Variants in ALMS1 observed in about 807,000 individuals in gnomAD.
ALMS1 encodes ALMS1 centrosome and basal body associated protein.
In ALMS1, 271 loss-of-function variants were observed where a neutral mutation model predicts 352.2. That is an observed-to-expected ratio of 0.77 (90% CI 0.70 to 0.85). The LOEUF is 0.85. ALMS1 is among the 40% of genes least tolerant of loss of function. The pLI is 0.00. For synonymous variants in ALMS1, 1,865 were observed against 1,761.2 expected, an observed-to-expected ratio of 1.06 and a Z score of -1.48; for missense variants, 5,445 against 4,870.7, an observed-to-expected ratio of 1.12 and a Z score of -3.51.
chr2:73,459,777 T>A (rs1409270221), intron 9 of ALMS1, among the ~76,000 whole-genome samples: 1 of 152,178 alleles, frequency 6.6e-6, no homozygotes, highest in Non-Finnish European at 1.5e-5. Context: ...TCACCAACCC[T>A]AGAGCTGTCC....
chr2:73,472,128 A>G (rs995335170), intron 9 of ALMS1, among the ~76,000 whole-genome samples: 8 of 152,078 alleles, frequency 5.3e-5, no homozygotes, highest in Non-Finnish European at 7.4e-5. Context: ...CTTATATGAA[A>G]TATCTAAAAA....
rs1675743923 is a variant in ALMS1 at position 73,603,390 on chromosome 2, T to G, written c.12362+86T>G. 3.4e-6 allele frequency: 4 copies of G among 1,168,334 alleles called. No individual in the cohort carries two copies. In the African/African-American group the frequency reaches 6.1e-5, roughly 18 times the overall value. 72.4% of individuals were successfully genotyped at this position (1,168,334 alleles called of 1,614,324 possible). A position where few individuals can be genotyped will look rare whatever the true frequency, so the allele number is the denominator to read the frequency against. Reference sequence around the variant, plus strand: ...AGCTCTGGCTTGCACCCAGAATAAATGTATTATACTCAAGTTTAAACATTA... The same window carrying G: ...AGCTCTGGCTTGCACCCAGAATAAAGGTATTATACTCAAGTTTAAACATTA... On this transcript the variant is annotated intron_variant, in intron 21 of 22. Coordinates refer to ENST00000613296, the MANE Select transcript of ALMS1 (RefSeq NM_001378454.1).
intron 12 of ALMS1, among the ~76,000 whole-genome samples, chr2:73,537,985 AAC>A (rs1327391185): frequency 1.3e-5 from 2 of 152,208 alleles, no homozygotes; most frequent in Non-Finnish European, 2.9e-5. Flanking sequence ...CACTCTGGGC[AAC>A]AGAGTGAGAC....
chr2:73,404,899 CTTTT>C (rs58122480), intron 1 of ALMS1, among the ~76,000 whole-genome samples: 9 of 60,782 alleles, frequency 1.5e-4, no homozygotes, highest in African/African-American at 6.4e-4. Context: ...TGTCCTGGAC[CTTTT>C]TTTTTTTTTT....
At chr2:73,601,858 T>A (rs1675697753) in intron 19 of ALMS1, among the ~76,000 whole-genome samples, 1 of 152,234 alleles carries the variant, frequency 6.6e-6, no homozygotes, top group Non-Finnish European at 1.5e-5. Flanking sequence ...ATAAAGGAAA[T>A]GTTATTAATG....
chr2:73,561,537 A>C (rs553107083), intron 15 of ALMS1, among the ~76,000 whole-genome samples: 28 of 152,262 alleles, frequency 1.8e-4, no homozygotes, highest in Middle Eastern at 6.8e-3. Flanking sequence ...CTGAAATCAT[A>C]GAAACAGAAA....
chr2:73,389,781 C>T (rs1400750680), intron 1 of ALMS1, among the ~76,000 whole-genome samples: 3 of 152,078 alleles, frequency 2.0e-5, no homozygotes, highest in Non-Finnish European at 4.4e-5. Context: ...CCTCTGCCTC[C>T]TGGGTTCAAG....
At chr2:73,608,769 A>G (rs1355721483) in intron 22 of ALMS1, among the ~76,000 whole-genome samples, 195 bp downstream of exon 22, 1 of 152,228 alleles carries the variant, frequency 6.6e-6, no homozygotes, top group Non-Finnish European at 1.5e-5. Flanking sequence ...TTAACTCCCC[A>G]TCCATAATGG....
At chr2:73,542,226 C>T (rs1222575731) in intron 12 of ALMS1, among the ~76,000 whole-genome samples, 1 of 152,132 alleles carries the variant, frequency 6.6e-6, no homozygotes, top group South Asian at 2.1e-4. Flanking sequence ...TCGTAAATCA[C>T]TAAATGTAAT....
chr2:73,556,431 T>G (rs1674543268), intron 13 of ALMS1, among the ~76,000 whole-genome samples: 1 of 152,072 alleles, frequency 6.6e-6, no homozygotes, highest in Non-Finnish European at 1.5e-5. Context: ...ATTAGACAAG[T>G]TTAAAAGGCT....
chr2:73,462,732 C>G (rs1672233085), intron 9 of ALMS1: 1 of 152,112 alleles, frequency 6.6e-6, no homozygotes, highest in South Asian at 2.1e-4. Context: ...CAGAGACACA[C>G]ATAGGCTCAA....
chr2:73,477,618 G>T (rs1395518437), intron 9 of ALMS1, among the ~76,000 whole-genome samples: 1 of 152,012 alleles, frequency 6.6e-6, no homozygotes. Context: ...ATAAACATGA[G>T]CCAGTTTTCT....
intron 1 of ALMS1, among the ~76,000 whole-genome samples, chr2:73,400,785 T>A (rs1034704954): frequency 6.6e-6 from 1 of 152,144 alleles, no homozygotes; most frequent in African/African-American, 2.4e-5. Context: ...TGATGTCCTC[T>A]CTTTCTTTTT....
rs1240240371 is a variant in ALMS1 at position 73,546,702 on chromosome 2, G to GGC, written c.9908-3564_9908-3563dup. ...CTAGAGGATGGGAATGAATTAGGTA[G>GGC]GCAGAGAGTGGAGTGTGAGAATGTT... On this transcript the variant is annotated intron_variant, in intron 12 of 22. Coordinates refer to ENST00000613296, the MANE Select transcript of ALMS1 (RefSeq NM_001378454.1). Among the ~76,000 whole-genome samples the GGC allele has an allele frequency of 5.9e-5, 9 of 152,328 alleles. No individual in the cohort carries two copies. The East Asian group carries it at 1.5e-3, about 26-fold the overall frequency.
At position 73,606,802 on chromosome 2, in the gene ALMS1, A is replaced by G. The variant is rs181072867; in HGVS notation, c.12363-1673A>G. On this transcript the variant is annotated intron_variant, in intron 21 of 22. Transcript: ENST00000613296. ...GGCCTTCAATTGTGTCCTATTAAGG[A>G]TTTGTGTCTCTGGAGCCTGTGTTAC... Among the ~76,000 whole-genome samples the G allele has an allele frequency of 3.9e-5, 6 of 152,252 alleles. No individual in the cohort carries two copies. The East Asian group carries it at 1.2e-3, about 29-fold the overall frequency.
At chr2:73,526,780 G>T (rs1054075524) in intron 11 of ALMS1, among the ~76,000 whole-genome samples, 38 of 152,000 alleles carry the variant, frequency 2.5e-4, no homozygotes, top group African/African-American at 9.2e-4. Context: ...TTGTCTGATT[G>T]CTCGAGCTAG....
chr2:73,406,476 A>T (rs1358659328), intron 1 of ALMS1, among the ~76,000 whole-genome samples: 3 of 113,652 alleles, frequency 2.6e-5, no homozygotes, highest in Non-Finnish European at 3.7e-5. Flanking sequence ...GTCCTTTCAT[A>T]GCTTGTTTTT....
At chr2:73,474,463 C>A (rs1390130546) in intron 9 of ALMS1, among the ~76,000 whole-genome samples, 3 of 149,658 alleles carry the variant, frequency 2.0e-5, no homozygotes, top group Non-Finnish European at 4.4e-5. Flanking sequence ...TGGTTTGTTA[C>A]ATGAAGTCTT....
At position 73,572,829 on chromosome 2, in the gene ALMS1, A is replaced by T. The variant is rs1294645835; in HGVS notation, c.10952A>T (p.His3651Leu). The change falls in exon 16 of 23, where the codon CAT becomes CTT. Residue 3651 changes from histidine (H) to leucine (L), a missense_variant. Physicochemically the swap from His to Leu is moderately conservative, Grantham distance 99 (BLOSUM62 -3). Coordinates refer to ENST00000613296, the MANE Select transcript of ALMS1 (RefSeq NM_001378454.1). The part of the protein sequence containing the change: ...THSLQVSEST[H>L]DDSRGERSVK... ...TCTCTCCAGGTCTCAGAAAGTACAC[A>T]TGATGATAGCAGAGGGGAACGAAGT... is the stretch of plus-strand genomic sequence containing the variant. The T allele has an allele frequency of 6.2e-7, 1 of 1,614,124 alleles. No homozygotes were observed. Among genetic ancestry groups the T allele is most frequent in the South Asian group, 1.1e-5 (1 of 91,078 alleles).
Sources: gnomAD v4.1 joint callset for allele counts (sites outside exome capture counted in the v4.1 genomes callset) on GRCh38, gnomAD v4.1.1 for gene constraint, MANE v1.5 for transcripts, NCBI Gene and HGNC (gene_info 2026-07-23, HGNC 2026-07-21) for gene names.